Variants in TIAM2 observed in about 807,000 individuals in gnomAD.
TIAM2 encodes rho guanine nucleotide exchange factor TIAM2.
A neutral mutation model predicts 152.9 loss-of-function variants in TIAM2; 80 were observed. The observed-to-expected ratio is 0.52, with a 90% CI of 0.44 to 0.63. TIAM2 has a LOEUF of 0.63. Among genes scored for constraint, TIAM2 ranks in the 30% least tolerant of loss-of-function variants. The pLI is 0.00. For synonymous variants in TIAM2, 804 were observed against 838.0 expected (o/e 0.96, Z 0.70); for missense variants, 1,965 against 2,120.1 (o/e 0.93, Z 1.44).
intron 15 of TIAM2, among the ~76,000 whole-genome samples, chr6:155,228,482 T>C (rs1782323985): frequency 6.6e-6 from 1 of 152,152 alleles, no homozygotes; most frequent in Non-Finnish European, 1.5e-5. Flanking sequence ...TGATGGCTCA[T>C]GTCTGTTATC....
At chr6:155,256,404 T>C in intron 26 of TIAM2, 80 bp from the exon 27 acceptor site, 2 of 1,586,968 alleles carry the variant, frequency 1.3e-6, no homozygotes, top group South Asian at 2.3e-5. Context: ...ATGTTAAATC[T>C]TACACAAGCT....
At chr6:155,049,997 T>C (rs1245650386) in intron 1 of TIAM2, among the ~76,000 whole-genome samples, 1 of 152,228 alleles carries the variant, frequency 6.6e-6, no homozygotes. Context: ...ATTTTTGCTT[T>C]AGGTTCAGAG....
chr6:155,002,319 G>A (rs1345080412), intron 1 of TIAM2, among the ~76,000 whole-genome samples: 1 of 152,184 alleles, frequency 6.6e-6, no homozygotes, highest in Non-Finnish European at 1.5e-5. Flanking sequence ...GCTGAGATGG[G>A]AGGATTGTTT....
At position 155,213,931 on chromosome 6, in the gene TIAM2, G is replaced by A. The variant is rs1781787318; in HGVS notation, c.3168+2624G>A. ...GGAGTAGGGAGAAACCAGGCAGTGG[G>A]AGCAGGCTACTTTCGAGCCTGTGGG... is the stretch of plus-strand genomic sequence containing the variant. On this transcript the variant is annotated intron_variant, in intron 15 of 26. Coordinates refer to ENST00000682666, the MANE Select transcript of TIAM2 (RefSeq NM_012454.4). This position sits in a 1 kb window ranked among gnomAD's most constrained non-coding sequence, Gnocchi z 4.2. Among the ~76,000 whole-genome samples, 1 of 152,266 alleles carries A rather than the reference G, an allele frequency of 6.6e-6. No individual in the cohort carries two copies.
rs1351028352 is a variant in TIAM2 at position 155,249,918 on chromosome 6, T to C, written c.3900T>C (p.Tyr1300=). Residue 1300 remains tyrosine (Y), a synonymous_variant, in exon 21 of 27, where the codon TAT becomes TAC. Coordinates refer to ENST00000682666, the MANE Select transcript of TIAM2 (RefSeq NM_012454.4). ...AGATGCAGAAGATCTATGAGGATTA[T>C]GGGACCGTGTTTGACCAGCTAGTAG... ...INEMQKIYED[Y]GTVFDQLVAE... The C allele has an allele frequency of 1.2e-6, 2 of 1,614,080 alleles. No individual in the cohort carries two copies. The highest frequency in any genetic ancestry group is 2.7e-5 in the African/African-American group (2 of 74,942).
At chr6:155,168,835 C>CG in intron 9 of TIAM2, 1 of 1,533,516 alleles carries the variant, frequency 6.5e-7, no homozygotes. Context: ...TTTCCTCCCC[C>CG]ATCTGTCAGA....
intron 2 of TIAM2, among the ~76,000 whole-genome samples, chr6:155,113,786 A>G (rs1414937989): frequency 6.6e-6 from 1 of 151,798 alleles, no homozygotes; most frequent in East Asian, 1.9e-4. Context: ...GCTCCATGAG[A>G]GCAGGGATAC....
In TIAM2 at chr6:155,257,508, C is replaced by T; in HGVS notation, c.*387C>T. 1 of 341,838 alleles carries T rather than the reference C, an allele frequency of 2.9e-6. No homozygotes were observed. The highest frequency in any genetic ancestry group is 5.3e-6 in the Non-Finnish European group (1 of 187,648). 21.2% of individuals were successfully genotyped at this position (341,838 alleles called of 1,614,324 possible). A position where few individuals can be genotyped will look rare whatever the true frequency, so the allele number is the denominator to read the frequency against. On this transcript the variant is annotated 3_prime_UTR_variant, in exon 27 of 27. Coordinates refer to ENST00000682666, the MANE Select transcript of TIAM2 (RefSeq NM_012454.4). ...TCTTTCAGCTGTTTGTTAGTTTTTG[C>T]TTTATTTAAAGCATATTTAAGTTAT...
chr6:155,066,044 G>A (rs12528887), intron 1 of TIAM2, among the ~76,000 whole-genome samples: 54,295 of 151,934 alleles, frequency 0.36, 10,528 homozygotes, highest in Middle Eastern at 0.48. Flanking sequence ...TTTAACTTTT[G>A]AAACTCTAAC....
chr6:155,094,560 T>TC (rs1399941795), intron 2 of TIAM2, among the ~76,000 whole-genome samples: 1 of 143,312 alleles, frequency 7.0e-6, no homozygotes, highest in Non-Finnish European at 1.5e-5. Flanking sequence ...TTTTTTTTTT[T>TC]TTTTTTTTTG....
At chr6:155,162,508 G>T (rs557459387) in intron 7 of TIAM2, among the ~76,000 whole-genome samples, 35 of 152,326 alleles carry the variant, frequency 2.3e-4, no homozygotes, top group African/African-American at 7.7e-4. Flanking sequence ...CCTTAAGTAA[G>T]GTGTCAGTTT....
At chr6:155,125,665 C>T (rs939314355) in intron 2 of TIAM2, among the ~76,000 whole-genome samples, 2 of 152,040 alleles carry the variant, frequency 1.3e-5, no homozygotes, top group Non-Finnish European at 2.9e-5. Flanking sequence ...ACGGTGAAGC[C>T]CTGTCTCTAC....
chr6:155,134,736 C>T (rs1282634535), intron 4 of TIAM2, among the ~76,000 whole-genome samples: 3 of 151,984 alleles, frequency 2.0e-5, no homozygotes, highest in Non-Finnish European at 4.4e-5. Context: ...GACAGAGTCT[C>T]GCTCTGTCGC....
intron 14 of TIAM2, among the ~76,000 whole-genome samples, chr6:155,187,677 C>T (rs1403102108): frequency 1.4e-5 from 2 of 147,436 alleles, no homozygotes; most frequent in Non-Finnish European, 3.0e-5. Flanking sequence ...CCTCCTGGTT[C>T]AAGGGATTCT....
At chr6:155,067,702 G>A (rs537690496) in intron 1 of TIAM2, among the ~76,000 whole-genome samples, 2 of 152,184 alleles carry the variant, frequency 1.3e-5, no homozygotes, top group Non-Finnish European at 2.9e-5. Context: ...ATGCAGTGTC[G>A]TCATCATGGC....
At chr6:155,143,208 G>A (rs1280194164) in intron 5 of TIAM2, among the ~76,000 whole-genome samples, 4 of 152,182 alleles carry the variant, frequency 2.6e-5, no homozygotes, top group Non-Finnish European at 5.9e-5. Flanking sequence ...ATACAGATTT[G>A]AGGGGATAGT....
chr6:155,086,619 A>C (rs1317409328), intron 1 of TIAM2, among the ~76,000 whole-genome samples: 1 of 149,010 alleles, frequency 6.7e-6, no homozygotes, highest in Admixed American at 6.8e-5. Context: ...AGGCGGGAGA[A>C]TTGCTTGAAC....
intron 3 of TIAM2, among the ~76,000 whole-genome samples, chr6:155,128,067 C>T (rs1463242777): frequency 1.3e-5 from 2 of 152,114 alleles, no homozygotes; most frequent in South Asian, 2.1e-4. Flanking sequence ...CCCTCCTTCT[C>T]CCCCTTTTCA....
chr6:155,049,270 G>T (rs1266614362), intron 1 of TIAM2, among the ~76,000 whole-genome samples: 1 of 152,076 alleles, frequency 6.6e-6, no homozygotes, highest in Non-Finnish European at 1.5e-5. Context: ...GAGAGCCATT[G>T]CTGCTTGTCA....
Sources: allele counts gnomAD v4.1 joint callset (sites outside exome capture counted in the v4.1 genomes callset), GRCh38; gene constraint gnomAD v4.1.1; non-coding constraint Gnocchi (gnomAD v3.1); transcripts MANE v1.5; gene names NCBI Gene and HGNC (gene_info 2026-07-23, HGNC 2026-07-21).